Variants in PACRG observed in about 807,000 individuals in gnomAD.
PACRG encodes parkin coregulated, also known as parkin coregulated gene protein.
Under a neutral mutation model 29.7 loss-of-function variants are expected in PACRG, and 29 were observed. The ratio of observed to expected loss-of-function variants is 0.98; its 90% CI spans 0.73 to 1.33. The LOEUF (loss-of-function observed/expected upper bound fraction) is 1.33, where lower values mean the gene tolerates loss of function less well. Ranked by LOEUF, PACRG falls within the 40% of genes most tolerant of loss-of-function variation. PACRG has a pLI of 0.00. For synonymous variants in PACRG, 116 were observed against 118.7 expected, an observed-to-expected ratio of 0.98 and a Z score of 0.15; for missense variants, 279 against 316.2, an observed-to-expected ratio of 0.88 and a Z score of 0.89.
At chr6:162,801,483 A>G (rs1785868813) in intron 1 of PACRG, among the ~76,000 whole-genome samples, 1 of 152,340 alleles carries the variant, frequency 6.6e-6, no homozygotes, top group African/African-American at 2.4e-5. Context: ...AAAAAAATGC[A>G]TCATAAGTTA....
chr6:162,965,916 T>G (rs1232302005), intron 2 of PACRG, among the ~76,000 whole-genome samples: 2 of 152,248 alleles, frequency 1.3e-5, no homozygotes, highest in African/African-American at 4.8e-5. Context: ...CTTGAGATTG[T>G]GCAGAAGGTT....
intron 4 of PACRG, among the ~76,000 whole-genome samples, chr6:163,107,564 A>C (rs1381554214): frequency 6.6e-6 from 1 of 152,166 alleles, no homozygotes; most frequent in Non-Finnish European, 1.5e-5. Flanking sequence ...ATACAATTTC[A>C]ATATTTAACC....
chr6:163,142,564 A>C (rs1299697868), intron 4 of PACRG, among the ~76,000 whole-genome samples: 2 of 152,260 alleles, frequency 1.3e-5, no homozygotes, highest in Non-Finnish European at 2.9e-5. Flanking sequence ...TCTTTCTCTC[A>C]AACTATTCCA....
intron 2 of PACRG, among the ~76,000 whole-genome samples, chr6:162,994,138 A>T: frequency 7.7e-6 from 1 of 129,732 alleles, no homozygotes; most frequent in African/African-American, 3.6e-5. Context: ...CTTCCCTTTG[A>T]GGGTAACCCG....
chr6:162,848,028 G>A (rs1021459733), intron 2 of PACRG, among the ~76,000 whole-genome samples: 1 of 152,098 alleles, frequency 6.6e-6, no homozygotes, highest in Admixed American at 6.5e-5. Flanking sequence ...TAGTGACCCC[G>A]GCAGGAGTGA....
chr6:163,020,182 G>C (rs944437058), intron 2 of PACRG, among the ~76,000 whole-genome samples: 3 of 152,210 alleles, frequency 2.0e-5, no homozygotes, highest in Non-Finnish European at 2.9e-5. Flanking sequence ...TGACTGCCAA[G>C]AGCACAGGCC....
At chr6:163,087,973 C>T (rs913108924) in intron 3 of PACRG, among the ~76,000 whole-genome samples, 9 of 152,098 alleles carry the variant, frequency 5.9e-5, no homozygotes, top group African/African-American at 1.9e-4. Context: ...ATGAGGAATG[C>T]GAAGGAGGAG....
At chr6:163,018,533 T>G (rs567681771) in intron 2 of PACRG, among the ~76,000 whole-genome samples, 1 of 152,102 alleles carries the variant, frequency 6.6e-6, no homozygotes, top group Non-Finnish European at 1.5e-5. Flanking sequence ...TTGGCTCAAA[T>G]TTTTTTTCCT....
intron 2 of PACRG, among the ~76,000 whole-genome samples, chr6:162,961,945 G>T (rs1022332663): frequency 6.6e-6 from 1 of 152,144 alleles, no homozygotes; most frequent in East Asian, 1.9e-4. Flanking sequence ...CTTAGTAAAC[G>T]GTTAGTGCTC....
chr6:162,809,823 C>T (rs1373793470), intron 1 of PACRG, among the ~76,000 whole-genome samples: 1 of 152,086 alleles, frequency 6.6e-6, no homozygotes, highest in African/African-American at 2.4e-5. Flanking sequence ...AACAAAATAT[C>T]TAAATAATGG....
At chr6:162,816,323 T>A (rs2128366630) in intron 2 of PACRG, among the ~76,000 whole-genome samples, 1 of 152,258 alleles carries the variant, frequency 6.6e-6, no homozygotes, top group African/African-American at 2.4e-5. Flanking sequence ...ACTGTAACAC[T>A]GAAGATAAGA....
At chr6:163,240,635 G>T (rs926303269) in intron 4 of PACRG, among the ~76,000 whole-genome samples, 3 of 152,092 alleles carry the variant, frequency 2.0e-5, no homozygotes, top group African/African-American at 7.2e-5. Context: ...CAGACCTCAC[G>T]CTCCTAAACA....
At chr6:163,059,567 A>G (rs1306509946) in intron 2 of PACRG, among the ~76,000 whole-genome samples, 1 of 152,224 alleles carries the variant, frequency 6.6e-6, no homozygotes, top group Non-Finnish European at 1.5e-5. Flanking sequence ...CCAGGAGGTT[A>G]TAATAATGCT....
At chr6:163,239,372 T>G (rs1463712636) in intron 4 of PACRG, among the ~76,000 whole-genome samples, 1 of 152,148 alleles carries the variant, frequency 6.6e-6, no homozygotes, top group Admixed American at 6.5e-5. Flanking sequence ...ATAATATTCT[T>G]AAGATGCTTG....
chr6:162,740,116 C>T (rs1020037385), intron 1 of PACRG, among the ~76,000 whole-genome samples: 10 of 152,012 alleles, frequency 6.6e-5, no homozygotes, highest in African/African-American at 2.4e-4. Context: ...CAGTATCACA[C>T]TGCCTTTATT....
Position 162,848,122 on chromosome 6 carries a change from C to T in PACRG, c.291+33841C>T, listed in dbSNP as rs573520945. Among the ~76,000 whole-genome samples the T allele has an allele frequency of 1.0e-3, 156 of 152,224 alleles. 1 individual carries two copies. Among genetic ancestry groups the T allele is most frequent in the African/African-American group, 3.6e-3 (149 of 41,552 alleles). ...TATCACCGAGCTGGAGGCTGCGGCC[C>T]AGGAGAGGACAGAACGCAGGAGGCA... is the stretch of plus-strand genomic sequence containing the variant. On this transcript the variant is annotated intron_variant, in intron 2 of 4. Transcript: ENST00000366888.
intron 1 of PACRG, among the ~76,000 whole-genome samples, chr6:162,783,538 C>T (rs1784244912): frequency 1.3e-5 from 2 of 151,916 alleles, no homozygotes; most frequent in Non-Finnish European, 1.5e-5. Flanking sequence ...AATTAGTTTA[C>T]ATTATAATTT....
At chr6:162,950,210 C>T (rs1454737398) in intron 2 of PACRG, among the ~76,000 whole-genome samples, 1 of 151,884 alleles carries the variant, frequency 6.6e-6, no homozygotes, top group Non-Finnish European at 1.5e-5. Flanking sequence ...TAAAAGTAGT[C>T]GAACAGGCTG....
chr6:162,806,732 A>T (rs1431099027), intron 1 of PACRG, among the ~76,000 whole-genome samples: 1 of 152,146 alleles, frequency 6.6e-6, no homozygotes, highest in African/African-American at 2.4e-5. Context: ...CTCATTATTA[A>T]GGGCTCTAGA....
Sources: allele counts gnomAD v4.1 joint callset (sites outside exome capture counted in the v4.1 genomes callset), GRCh38; gene constraint gnomAD v4.1.1; transcripts MANE v1.5; gene names NCBI Gene and HGNC (gene_info 2026-07-23, HGNC 2026-07-21).